KIAA2012: variants seen among roughly 807,000 people sequenced by gnomAD.
KIAA2012 encodes uncharacterized protein KIAA2012.
In KIAA2012, 125 loss-of-function variants were observed where a neutral mutation model predicts 150.6. That is an observed-to-expected ratio of 0.83 (90% confidence interval 0.72 to 0.96). KIAA2012 has a LOEUF of 0.96. Ranked by LOEUF, KIAA2012 falls within the 40% of genes least tolerant of loss-of-function variation. The probability of loss-of-function intolerance (pLI) is 0.00; values close to 1 mark genes in which losing one functional copy is unlikely to be tolerated. For missense variants in KIAA2012, 1,219 were observed against 1,354.9 expected (o/e 0.90, Z 1.57); for synonymous variants, 462 against 504.7 (o/e 0.92, Z 1.13).
At chr2:202,168,343 C>T (rs970742179) in intron 15 of KIAA2012, among the ~76,000 whole-genome samples, 21 of 148,968 alleles carry the variant, frequency 1.4e-4, no homozygotes, top group African/African-American at 3.2e-4. Context: ...CACTTGAACC[C>T]GGGAGGCGGA....
Position 202,074,885 on chromosome 2 carries a change from T to C in KIAA2012, c.85-6T>C. On this transcript the variant is annotated splice_polypyrimidine_tract_variant and splice_region_variant and intron_variant, in intron 1 of 23. Coordinates refer to ENST00000498697, the MANE Select transcript of KIAA2012 (RefSeq NM_001277372.4). ...GCTCCGTCAAAGTGGCTGCTTCTCA[T>C]TGCAGGATTACTTGAACTGGAGGTC... 6.5e-7 allele frequency: 1 copy of C among 1,541,432 alleles called. No homozygotes were observed. The highest frequency in any genetic ancestry group is 1.2e-5 in the South Asian group (1 of 82,352).
At chr2:202,197,546 C>G (rs1692436069) in intron 22 of KIAA2012, 1 of 157,302 alleles carries the variant, frequency 6.4e-6, no homozygotes, top group South Asian at 1.9e-4. Context: ...GCAATAAATG[C>G]TATGCAGAAA....
intron 15 of KIAA2012, among the ~76,000 whole-genome samples, chr2:202,182,938 A>C (rs1246355585): frequency 6.6e-6 from 1 of 152,138 alleles, no homozygotes; most frequent in Non-Finnish European, 1.5e-5. Context: ...TCTGCAATAA[A>C]ATGTATCTTC....
At chr2:202,143,521 G>C (rs548861507) in intron 13 of KIAA2012, among the ~76,000 whole-genome samples, 1 of 149,180 alleles carries the variant, frequency 6.7e-6, no homozygotes, top group Non-Finnish European at 1.5e-5. Flanking sequence ...ACTTGAAATC[G>C]AGGTGGATTA....
chr2:202,184,058 T>A (rs1398793329), intron 15 of KIAA2012, among the ~76,000 whole-genome samples: 1 of 152,182 alleles, frequency 6.6e-6, no homozygotes, highest in Non-Finnish European at 1.5e-5. Context: ...TCCCCCAGTC[T>A]CCCTTGTTGA....
Position 202,090,814 on chromosome 2 carries a change from C to A in KIAA2012, c.414C>A (p.Ser138Arg). 1.3e-6 allele frequency: 2 copies of A among 1,550,590 alleles called. No homozygotes were observed. The highest frequency in any genetic ancestry group is 1.7e-6 in the Non-Finnish European group (2 of 1,146,960). ...RAWQPYLHFR[S>R]QLESQAQRQI... ...GGCAACCATACCTCCACTTCCGAAGCCAGCTGGAGAGCCAGGCCCAACGGC... is the reference window on the plus strand; with the variant it reads ...GGCAACCATACCTCCACTTCCGAAGACAGCTGGAGAGCCAGGCCCAACGGC... The change falls in exon 3 of 24, where the codon AGC becomes AGA. Residue 138 changes from serine to arginine, a missense_variant. Transcript: ENST00000498697.
chr2:202,196,994 A>G lies in KIAA2012; in HGVS notation c.3382A>G (p.Thr1128Ala), dbSNP rs968359085. ...EAARLALEEA[T>A]KQAQEQARQK... ...AGCAAGACTGGCTCTGGAAGAAGCCACGAAACAAGCCCAGGAACAAGCCAG... is the reference window on the plus strand; with the variant it reads ...AGCAAGACTGGCTCTGGAAGAAGCCGCGAAACAAGCCCAGGAACAAGCCAG... The change falls in exon 22 of 24, where the codon ACG becomes GCG. Residue 1128 changes from threonine to alanine, a missense_variant. By Grantham distance (58) the Thr-to-Ala change is moderately conservative. Coordinates refer to ENST00000498697, the MANE Select transcript of KIAA2012 (RefSeq NM_001277372.4). 1.0e-5 allele frequency: 16 copies of G among 1,550,666 alleles called. No homozygotes were observed. In the African/African-American group the frequency reaches 2.0e-4, roughly 20 times the overall value.
At chr2:202,125,339 CA>C in intron 12 of KIAA2012, 57 bp downstream of exon 12, 4 of 1,274,434 alleles carry the variant, frequency 3.1e-6, no homozygotes, top group South Asian at 2.6e-5. Context: ...GACTCATGAT[CA>C]TATTATTTCA....
At chr2:202,106,026 CA>C in intron 9 of KIAA2012, 116 bp downstream of exon 9, 2 of 1,542,076 alleles carry the variant, frequency 1.3e-6, no homozygotes, top group South Asian at 2.4e-5. Context: ...GTTAGTTCAC[CA>C]GCAGCCACTG....
At chr2:202,186,058 T>C (rs1471395571) in intron 16 of KIAA2012, among the ~76,000 whole-genome samples, 1 of 152,236 alleles carries the variant, frequency 6.6e-6, no homozygotes, top group Admixed American at 6.5e-5. Context: ...CAGTAACTGA[T>C]ATTGCTGCAA....
chr2:202,113,392 G>T lies in KIAA2012; in HGVS notation c.1708G>T (p.Val570Phe). 1 of 1,550,550 alleles carries T rather than the reference G, an allele frequency of 6.4e-7. No individual in the cohort carries two copies. Among genetic ancestry groups the T allele is most frequent in the Non-Finnish European group, 8.7e-7 (1 of 1,146,998 alleles). The change falls in exon 11 of 24, where the codon GTC becomes TTC. Residue 570 changes from valine (V) to phenylalanine (F), a missense_variant. Coordinates refer to ENST00000498697, the MANE Select transcript of KIAA2012 (RefSeq NM_001277372.4). ...CTTGCTGGGTCCAGATGGAGAAAAA[G>T]TCTGCCTGTCCCTCCCAGGGCATAC... Reference protein sequence around the residue: ...HFLLGPDGEKVCLSLPGHTQT... With the variant: ...HFLLGPDGEKFCLSLPGHTQT...
At chr2:202,203,267 G>A (rs1237662474) in intron 23 of KIAA2012, among the ~76,000 whole-genome samples, 2 of 152,092 alleles carry the variant, frequency 1.3e-5, no homozygotes, top group Non-Finnish European at 2.9e-5. Flanking sequence ...GCAAAATTTT[G>A]TAATGCAGAG....
intron 12 of KIAA2012, among the ~76,000 whole-genome samples, chr2:202,127,361 A>G (rs1003221984): frequency 1.3e-5 from 2 of 152,244 alleles, no homozygotes; most frequent in African/African-American, 4.8e-5. Context: ...GTAAAAGTGT[A>G]TTTAATCAGA....
chr2:202,125,046 G>T (rs1171000848), intron 11 of KIAA2012, among the ~76,000 whole-genome samples, 168 bp from the exon 12 acceptor site: 2 of 152,104 alleles, frequency 1.3e-5, no homozygotes, highest in African/African-American at 4.8e-5. Flanking sequence ...CTATAGCGTG[G>T]GCAGCAGAAA....
At chr2:202,115,525 G>A (rs1690494515) in intron 11 of KIAA2012, 1 of 152,130 alleles carries the variant, frequency 6.6e-6, no homozygotes, top group African/African-American at 2.4e-5. Context: ...CCTAGATGTA[G>A]CCTCAGCCCC....
intron 14 of KIAA2012, among the ~76,000 whole-genome samples, chr2:202,159,847 AAATAAT>A (rs1306131330): frequency 6.6e-6 from 1 of 152,190 alleles, no homozygotes; most frequent in Non-Finnish European, 1.5e-5. Flanking sequence ...TGTCTCAAAA[AAATAAT>A]AATAATACTG....
intron 2 of KIAA2012, among the ~76,000 whole-genome samples, chr2:202,080,365 CATTT>C (rs934182215): frequency 4.6e-5 from 7 of 152,054 alleles, no homozygotes; most frequent in Non-Finnish European, 1.0e-4. Context: ...GTACTTCATT[CATTT>C]GTTCCCTTGT....
At position 202,107,672 on chromosome 2, in the gene KIAA2012, A is replaced by C. The variant is rs538949509; in HGVS notation, c.1474+1762A>C. Among the ~76,000 whole-genome samples, 15 of 152,278 alleles carry C rather than the reference A, an allele frequency of 9.9e-5. No individual in the cohort carries two copies. The South Asian group carries it at 3.1e-3, about 32-fold the overall frequency. ...AGAAGCCCCTTGGTATAAATTATGC[A>C]TGCGACTGAACCTGGGAGTAAATGC... On this transcript the variant is annotated intron_variant, in intron 9 of 23. Coordinates refer to ENST00000498697, the MANE Select transcript of KIAA2012 (RefSeq NM_001277372.4).
At chr2:202,194,697 G>T (rs1692382280) in intron 21 of KIAA2012, among the ~76,000 whole-genome samples, 1 of 152,162 alleles carries the variant, frequency 6.6e-6, no homozygotes, top group Non-Finnish European at 1.5e-5. Context: ...CTTCAGGGCA[G>T]ACTTTCAGGT....
Sources: gnomAD v4.1 joint callset for allele counts (sites outside exome capture counted in the v4.1 genomes callset) on GRCh38, gnomAD v4.1.1 for gene constraint, MANE v1.5 for transcripts, NCBI Gene and HGNC (gene_info 2026-07-23, HGNC 2026-07-21) for gene names.